The following BRINP3 variants were observed in gnomAD, a reference collection of about 807,000 sequenced individuals.
The protein encoded by BRINP3 is BMP/retinoic acid-inducible neural-specific protein 3.
A neutral mutation model predicts 71.0 loss-of-function variants in BRINP3; 19 were observed. The observed-to-expected ratio is 0.27, with a 90% CI of 0.19 to 0.39. The LOEUF (loss-of-function observed/expected upper bound fraction) is 0.39, where lower values mean the gene tolerates loss of function less well. BRINP3 is among the 10% of genes least tolerant of loss of function. The probability of loss-of-function intolerance (pLI) is 1.00; values close to 1 mark genes in which losing one functional copy is unlikely to be tolerated. For synonymous variants in BRINP3, 380 were observed against 337.7 expected, an observed-to-expected ratio of 1.13 and a Z score of -1.37; for missense variants, 959 against 940.8, an observed-to-expected ratio of 1.02 and a Z score of -0.25.
chr1:190,253,866 C>T (rs183691023), intron 4 of BRINP3, among the ~76,000 whole-genome samples: 8 of 152,212 alleles, frequency 5.3e-5, no homozygotes, highest in African/African-American at 1.7e-4. Context: ...AATGGTATTG[C>T]CTAGGTTTTC....
chr1:190,141,202 A>G lies in BRINP3; in HGVS notation c.1184+19466T>C, dbSNP rs574720213. 2.6e-4 allele frequency among the ~76,000 whole-genome samples: 40 copies of G among 152,206 alleles called. No homozygotes were observed. In the South Asian group the frequency reaches 8.1e-3, roughly 31 times the overall value. ...TTTACTAATGAAAATATCAAATGTC[A>G]ATTGATTTGTATCTCTTGTGGAAAT... On this transcript the variant is annotated intron_variant, in intron 7 of 7. Transcript: ENST00000367462.
chr1:190,431,310 T>G (rs999339370), intron 2 of BRINP3, among the ~76,000 whole-genome samples: 2 of 152,054 alleles, frequency 1.3e-5, no homozygotes, highest in African/African-American at 4.8e-5. Flanking sequence ...ATCCAGAAAT[T>G]TTATTTTGTA....
chr1:190,419,281 A>T (rs538705431), intron 2 of BRINP3, among the ~76,000 whole-genome samples: 1 of 152,076 alleles, frequency 6.6e-6, no homozygotes, highest in Non-Finnish European at 1.5e-5. Context: ...GCAAGACACC[A>T]ATTTATGATT....
At position 190,160,817 on chromosome 1, in the gene BRINP3, C is replaced by A. The variant is rs772505697; in HGVS notation, c.1035G>T (p.Trp345Cys). The A allele has an allele frequency of 1.2e-6, 2 of 1,613,476 alleles. No individual in the cohort carries two copies. Among genetic ancestry groups the A allele is most frequent in the African/African-American group, 1.3e-5 (1 of 74,960 alleles). Residue 345 changes from tryptophan (W) to cysteine (C), a missense_variant, in exon 7 of 8, where the codon TGG (tryptophan) becomes TGT (cysteine). By Grantham distance (215) the Trp-to-Cys change is radical. Coordinates refer to ENST00000367462, the MANE Select transcript of BRINP3 (RefSeq NM_199051.3). ...FLNTSTIMHL[W>C]TMDSNFQRRY... ...GGCGCTGAAAATTAGAATCCATTGT[C>A]CACAAATGCATTATAGTAGATGTGT...
intron 2 of BRINP3, among the ~76,000 whole-genome samples, chr1:190,365,460 G>C (rs1238163668): frequency 6.7e-6 from 1 of 150,140 alleles, no homozygotes; most frequent in Non-Finnish European, 1.5e-5. Context: ...TGGGAGATAG[G>C]TATTAAACAA....
intron 6 of BRINP3, among the ~76,000 whole-genome samples, chr1:190,189,811 T>G (rs973222908): frequency 6.6e-6 from 1 of 152,198 alleles, no homozygotes; most frequent in Non-Finnish European, 1.5e-5. Flanking sequence ...TCCCTGGATA[T>G]TCTTGATCCT....
At chr1:190,407,620 C>T (rs1009184267) in intron 2 of BRINP3, among the ~76,000 whole-genome samples, 1 of 152,058 alleles carries the variant, frequency 6.6e-6, no homozygotes, top group South Asian at 2.1e-4. Flanking sequence ...CATGTAAACC[C>T]TAATTTATAT....
chr1:190,402,041 G>T (rs1345382814), intron 2 of BRINP3, among the ~76,000 whole-genome samples: 1 of 151,758 alleles, frequency 6.6e-6, no homozygotes, highest in African/African-American at 2.4e-5. Context: ...AGTGTAATAT[G>T]CATAATCTAA....
intron 2 of BRINP3, among the ~76,000 whole-genome samples, chr1:190,433,368 T>C (rs1674234915): frequency 6.6e-6 from 1 of 152,202 alleles, no homozygotes; most frequent in Admixed American, 6.5e-5. Flanking sequence ...CTCTACGATC[T>C]ACTTTCTGGG....
At chr1:190,216,815 G>A (rs1656457558) in intron 6 of BRINP3, 1 of 151,602 alleles carries the variant, frequency 6.6e-6, no homozygotes, top group Admixed American at 6.6e-5. Context: ...CTATTATTGT[G>A]GAATGCACTC....
At chr1:190,398,540 A>G (rs943256832) in intron 2 of BRINP3, among the ~76,000 whole-genome samples, 1 of 151,982 alleles carries the variant, frequency 6.6e-6, no homozygotes, top group African/African-American at 2.4e-5. Flanking sequence ...TCTAGATAGT[A>G]TAATTTCTAT....
At chr1:190,113,021 G>A (rs939175466) in intron 7 of BRINP3, among the ~76,000 whole-genome samples, 3 of 152,080 alleles carry the variant, frequency 2.0e-5, no homozygotes, top group Admixed American at 6.6e-5. Context: ...AGTATGGATG[G>A]TGAAGGATGT....
chr1:190,393,207 G>A (rs1571936466), intron 2 of BRINP3, among the ~76,000 whole-genome samples: 1 of 151,538 alleles, frequency 6.6e-6, no homozygotes, highest in Non-Finnish European at 1.5e-5. Context: ...GCATATGCAT[G>A]CATGTATTTA....
rs147234573 is a variant in BRINP3, at chr1:190,436,572, G to A, written c.236+18083C>T. ...TTGAATTATAAATAGCAAATATGTGGGTCATATAACGGTGCATTATGATCA... is the reference window on the plus strand; with the variant it reads ...TTGAATTATAAATAGCAAATATGTGAGTCATATAACGGTGCATTATGATCA... On this transcript the variant is annotated intron_variant, in intron 2 of 7. Transcript: ENST00000367462. Among the ~76,000 whole-genome samples, 24 of 151,538 alleles carry A rather than the reference G, an allele frequency of 1.6e-4. No individual in the cohort carries two copies. The East Asian group carries it at 4.3e-3, about 27-fold the overall frequency.
chr1:190,245,707 C>T (rs549942663), intron 4 of BRINP3, among the ~76,000 whole-genome samples: 1 of 151,396 alleles, frequency 6.6e-6, no homozygotes, highest in Non-Finnish European at 1.5e-5. Context: ...CACCCATCAA[C>T]TCGTCATTTA....
intron 2 of BRINP3, among the ~76,000 whole-genome samples, chr1:190,290,595 A>G (rs1663785701): frequency 6.6e-6 from 1 of 152,106 alleles, no homozygotes; most frequent in South Asian, 2.1e-4. Flanking sequence ...TTCATTAAAC[A>G]TTTTCTGCCA....
intron 1 of BRINP3, among the ~76,000 whole-genome samples, chr1:190,459,637 C>T (rs949003952): frequency 1.1e-4 from 16 of 152,048 alleles, no homozygotes; most frequent in African/African-American, 3.4e-4. Context: ...ATAATTATTA[C>T]TATTTGTTAA....
chr1:190,352,445 T>C (rs543442942), intron 2 of BRINP3, among the ~76,000 whole-genome samples: 2 of 152,062 alleles, frequency 1.3e-5, no homozygotes, highest in East Asian at 3.9e-4. Context: ...TCACACAAAG[T>C]AAGGTTTTCT....
intron 7 of BRINP3, among the ~76,000 whole-genome samples, chr1:190,149,585 T>C (rs1330574901): frequency 6.6e-6 from 1 of 151,874 alleles, no homozygotes; most frequent in Non-Finnish European, 1.5e-5. Context: ...CACGTCTCAG[T>C]GCGTGCGTGT....
Sources: gnomAD v4.1 joint callset for allele counts (sites outside exome capture counted in the v4.1 genomes callset) on GRCh38, gnomAD v4.1.1 for gene constraint, MANE v1.5 for transcripts, NCBI Gene and HGNC (gene_info 2026-07-23, HGNC 2026-07-21) for gene names.